ANKS1A: variants seen among roughly 807,000 people sequenced by gnomAD.
ANKS1A encodes ankyrin repeat and sterile alpha motif domain containing 1A.
A neutral mutation model predicts 120.3 loss-of-function variants in ANKS1A; 55 were observed. That is an observed-to-expected ratio of 0.46 (90% CI 0.37 to 0.57). The LOEUF is 0.57. Among genes scored for constraint, ANKS1A ranks in the 20% least tolerant of loss-of-function variants. ANKS1A has a pLI of 0.00. For synonymous variants in ANKS1A, 590 were observed against 604.7 expected (o/e 0.98, Z 0.36); for missense variants, 1,123 against 1,480.3 (o/e 0.76, Z 3.96).
At chr6:34,901,228 T>C (rs1767336321) in intron 1 of ANKS1A, among the ~76,000 whole-genome samples, 1 of 152,178 alleles carries the variant, frequency 6.6e-6, no homozygotes, top group Non-Finnish European at 1.5e-5. Flanking sequence ...GTTTTTTTTT[T>C]TTTTAAACAA....
chr6:34,967,821 C>G (rs1305599942), intron 2 of ANKS1A, among the ~76,000 whole-genome samples: 1 of 151,984 alleles, frequency 6.6e-6, no homozygotes, highest in African/African-American at 2.4e-5. Context: ...AACATCCTTC[C>G]CCACCCTACC....
chr6:35,028,227 C>T (rs1264717816), intron 11 of ANKS1A, among the ~76,000 whole-genome samples: 1 of 152,192 alleles, frequency 6.6e-6, no homozygotes, highest in Non-Finnish European at 1.5e-5. Flanking sequence ...ATGCAGTGGG[C>T]ATACAGTCCT....
intron 10 of ANKS1A, chr6:35,009,842 G>T (rs1373334292): frequency 5.8e-6 from 1 of 173,466 alleles, no homozygotes; most frequent in African/African-American, 2.7e-5. Context: ...AGCAGAGGTT[G>T]CAGTGAACCA....
chr6:35,084,476 G>A lies in ANKS1A; in HGVS notation c.3132+218G>A, dbSNP rs897041893. ...AACAGGGACTGGCCCAGGGCACTAG[G>A]GACAGGAGGTTCCAGCTTTTTTTTT... On this transcript the variant is annotated intron_variant, in intron 21 of 23. Coordinates refer to ENST00000360359, the MANE Select transcript of ANKS1A (RefSeq NM_015245.3). This position sits in a 1 kb window ranked among gnomAD's most constrained non-coding sequence, Gnocchi z 4.8. 1.3e-5 allele frequency among the ~76,000 whole-genome samples: 2 copies of A among 150,202 alleles called. No individual in the cohort carries two copies. The highest frequency in any genetic ancestry group is 4.9e-5 in the African/African-American group (2 of 40,954).
At chr6:34,946,791 A>G (rs1753679750) in intron 1 of ANKS1A, among the ~76,000 whole-genome samples, 1 of 152,252 alleles carries the variant, frequency 6.6e-6, no homozygotes, top group African/African-American at 2.4e-5. Flanking sequence ...GAGCTAATAC[A>G]GAAATATCAA....
At chr6:35,094,041 C>T (rs1039159026), downstream of ANKS1A, among the ~76,000 whole-genome samples, 1 of 152,204 alleles carries the variant, frequency 6.6e-6, no homozygotes, top group Admixed American at 6.5e-5. Flanking sequence ...CCAGCAGTAA[C>T]AAGCAGCCTC....
At chr6:34,979,020 C>T (rs1018080180) in intron 3 of ANKS1A, among the ~76,000 whole-genome samples, 47 of 151,646 alleles carry the variant, frequency 3.1e-4, no homozygotes, top group African/African-American at 9.7e-4. Context: ...CTCAGCCTCC[C>T]GAGTAGCTGG....
chr6:34,957,360 C>T (rs534864786), intron 1 of ANKS1A, among the ~76,000 whole-genome samples: 22 of 152,304 alleles, frequency 1.4e-4, no homozygotes, highest in Admixed American at 9.8e-4. Context: ...TCCTTTTACC[C>T]TCAACTGTTA....
At chr6:35,034,962 A>T (rs1775085995) in intron 11 of ANKS1A, among the ~76,000 whole-genome samples, 1 of 152,234 alleles carries the variant, frequency 6.6e-6, no homozygotes, top group Non-Finnish European at 1.5e-5. Flanking sequence ...GAAACAGCTC[A>T]CTTGACACTG....
chr6:35,033,818 G>A (rs1031328096), intron 11 of ANKS1A, among the ~76,000 whole-genome samples: 9 of 152,184 alleles, frequency 5.9e-5, no homozygotes, highest in African/African-American at 2.2e-4. Context: ...CTGTGCTCTG[G>A]AAGGGGTTCA....
At chr6:35,078,787 A>C (rs1342605812) in intron 14 of ANKS1A, 131 bp downstream of exon 14, 8 of 795,924 alleles carry the variant, frequency 1.0e-5, no homozygotes, top group Admixed American at 2.4e-5. Context: ...TCTACCCCTC[A>C]CCCTAGGAGC....
intron 3 of ANKS1A, among the ~76,000 whole-genome samples, chr6:34,976,963 G>A (rs1391538957): frequency 1.3e-5 from 2 of 152,034 alleles, no homozygotes. Context: ...TATTACATTT[G>A]GAAAATTCAA....
In ANKS1A at chr6:34,970,043, G is replaced by A. The variant is rs1311766028; in HGVS notation, c.312G>A (p.Ala104=). The A allele has an allele frequency of 1.4e-5, 23 of 1,613,972 alleles. No individual in the cohort carries two copies. Among genetic ancestry groups the A allele is most frequent in the Middle Eastern group, 1.6e-4 (1 of 6,074 alleles). ...TCGAGGTTCTTCTGAGGAACGATGC[G>A]CTGACCAACGTGGCTGACTCAAAAG... The part of the protein sequence containing the change: ...DVVEVLLRND[A]LTNVADSKGC... Residue 104 remains alanine, a synonymous_variant, in exon 3 of 24, where the codon GCG becomes GCA. Transcript: ENST00000360359.
Position 34,900,740 on chromosome 6 carries a change from C to G in ANKS1A, c.197+11141C>G, listed in dbSNP as rs373045325. ...AACCCAGGCAGACAGGCCCCAGAGT[C>G]TTTGCTCTTGGTTATTATGCAACTG... On this transcript the variant is annotated intron_variant, in intron 1 of 23. Coordinates refer to ENST00000360359, the MANE Select transcript of ANKS1A (RefSeq NM_015245.3). Among the ~76,000 whole-genome samples, 13 of 152,140 alleles carry G rather than the reference C, an allele frequency of 8.5e-5. No homozygotes were observed. The South Asian group carries it at 2.5e-3, about 29-fold the overall frequency.
intron 10 of ANKS1A, among the ~76,000 whole-genome samples, chr6:35,012,594 C>T (rs1012726212): frequency 2.0e-5 from 3 of 152,194 alleles, no homozygotes; most frequent in Admixed American, 1.3e-4. Context: ...ATTCTTTAGC[C>T]TTAATTTAAG....
chr6:35,052,390 G>T (rs902592497), intron 11 of ANKS1A, among the ~76,000 whole-genome samples: 4 of 151,872 alleles, frequency 2.6e-5, no homozygotes, highest in Admixed American at 1.3e-4. Context: ...GGTCAAGGTT[G>T]CAGTGAGCCG....
intron 10 of ANKS1A, among the ~76,000 whole-genome samples, chr6:35,003,977 A>C (rs1773299643): frequency 6.6e-6 from 1 of 152,212 alleles, no homozygotes; most frequent in Non-Finnish European, 1.5e-5. Context: ...TGCCTGACCT[A>C]AGCCTGGTAG....
In ANKS1A at chr6:35,060,099, T is replaced by C. The variant is rs752695258; in HGVS notation, c.2078-48T>C. Reference sequence around the variant, plus strand: ...TCCTCTGAGTGCCGCTGCTACCGCCTTAATGGTTTTTCCCTTTTCAAGCGT... The same window carrying C: ...TCCTCTGAGTGCCGCTGCTACCGCCCTAATGGTTTTTCCCTTTTCAAGCGT... On this transcript the variant is annotated intron_variant, in intron 12 of 23. Coordinates refer to ENST00000360359, the MANE Select transcript of ANKS1A (RefSeq NM_015245.3). The surrounding 1 kb of genome is among the most constrained non-coding windows in gnomAD (Gnocchi z 4.5). 2.0e-6 allele frequency: 3 copies of C among 1,515,600 alleles called. No individual in the cohort carries two copies. Among genetic ancestry groups the C allele is most frequent in the Non-Finnish European group, 2.7e-6 (3 of 1,100,686 alleles). 93.9% of individuals were successfully genotyped at this position (1,515,600 alleles called of 1,614,324 possible).
intron 14 of ANKS1A, 134 bp downstream of exon 14, chr6:35,078,790 C>G (rs957156578): frequency 1.3e-6 from 1 of 785,472 alleles, no homozygotes; most frequent in African/African-American, 1.7e-5. Context: ...ACCCCTCACC[C>G]TAGGAGCTCC....
Sources: allele counts gnomAD v4.1 joint callset (sites outside exome capture counted in the v4.1 genomes callset), GRCh38; gene constraint gnomAD v4.1.1; non-coding constraint Gnocchi (gnomAD v3.1); transcripts MANE v1.5; gene names NCBI Gene and HGNC (gene_info 2026-07-23, HGNC 2026-07-21).